Variants in ZNF35 observed in about 807,000 individuals in gnomAD.
ZNF35 encodes the protein zinc finger protein 35.
A neutral mutation model predicts 45.9 loss-of-function variants in ZNF35; 31 were observed. That is an observed-to-expected ratio of 0.68 (90% CI 0.51 to 0.91). ZNF35 has a LOEUF of 0.91. Ranked by LOEUF, ZNF35 falls within the 40% of genes least tolerant of loss-of-function variation. The pLI, the probability that ZNF35 is intolerant of heterozygous loss-of-function variation, is 0.00. For synonymous variants in ZNF35, 205 were observed against 220.2 expected (o/e 0.93, Z 0.61); for missense variants, 515 against 625.4 (o/e 0.82, Z 1.88).
chr3:44,650,224 T>A (rs1703166561), intron 1 of ZNF35, among the ~76,000 whole-genome samples: 1 of 152,150 alleles, frequency 6.6e-6, no homozygotes, highest in Non-Finnish European at 1.5e-5. Context: ...AATGGCAACA[T>A]GAAAGTAATC....
At chr3:44,657,988 A>T (rs148760606) in intron 3 of ZNF35, among the ~76,000 whole-genome samples, 17 of 152,244 alleles carry the variant, frequency 1.1e-4, no homozygotes, top group African/African-American at 3.4e-4. Flanking sequence ...TGTTTTAGAG[A>T]TTGGGAAACT....
intron 3 of ZNF35, among the ~76,000 whole-genome samples, chr3:44,657,249 T>C (rs1703325943): frequency 6.6e-6 from 1 of 152,194 alleles, no homozygotes; most frequent in Non-Finnish European, 1.5e-5. Context: ...TTCCCTCTCA[T>C]GGGTGCTAGT....
chr3:44,655,328 T>A (rs1015818377), intron 3 of ZNF35, among the ~76,000 whole-genome samples: 1 of 151,832 alleles, frequency 6.6e-6, no homozygotes, highest in Non-Finnish European at 1.5e-5. Flanking sequence ...ATTGGACTTA[T>A]AAATTTAGTA....
At chr3:44,652,793 C>G (rs1236960425) in intron 3 of ZNF35, 92 bp downstream of exon 3, 2 of 1,300,174 alleles carry the variant, frequency 1.5e-6, no homozygotes, top group Non-Finnish European at 2.1e-6. Context: ...CTAGGTTGAC[C>G]AACAGAGTAC....
At position 44,650,984 on chromosome 3, in the gene ZNF35, G is replaced by C; in HGVS notation, c.-84G>C. The C allele has an allele frequency of 7.3e-7, 1 of 1,378,778 alleles. No individual in the cohort carries two copies. The allele number at this position is 1,378,778 out of a possible 1,614,324, so 85.4% of individuals were successfully genotyped here. ...GCCCTGGGAAGAAACTCAAGAAGAA[G>C]CTTTTGAAACATAAAGCTTGGATGG... On this transcript the variant is annotated 5_prime_UTR_variant, in exon 2 of 4. Transcript: ENST00000396056.
chr3:44,656,907 G>A (rs1285747517), intron 3 of ZNF35, among the ~76,000 whole-genome samples: 1 of 152,046 alleles, frequency 6.6e-6, no homozygotes, highest in East Asian at 1.9e-4. Context: ...ATGTTGGCCA[G>A]GCCGTTCTCA....
In ZNF35 at chr3:44,658,769, C is replaced by G; in HGVS notation, c.406C>G (p.Leu136Val). ...GATATGTGAGGAAGCTGAAAAACCCCTCATCATATCAGAAAGAATCCAGAA... is the reference window on the plus strand; with the variant it reads ...GATATGTGAGGAAGCTGAAAAACCCGTCATCATATCAGAAAGAATCCAGAA... ...TEICEEAEKP[L>V]IISERIQKAD... is the part of the protein sequence containing the mutation. Residue 136 changes from leucine to valine, a missense_variant, in exon 4 of 4, where the codon CTC (leucine) becomes GTC (valine). Leu to Val is a conservative substitution (Grantham distance 32). Around this residue, in one of 3 missense-constraint regions of ZNF35, gnomAD observed 275 missense variants for 295.7 expected, o/e 0.93. Coordinates refer to ENST00000396056, the MANE Select transcript of ZNF35 (RefSeq NM_003420.4). 1 of 1,602,156 alleles carries G rather than the reference C, an allele frequency of 6.2e-7. No homozygotes were observed. Among genetic ancestry groups the G allele is most frequent in the Non-Finnish European group, 8.5e-7 (1 of 1,177,350 alleles).
upstream of ZNF35, chr3:44,648,408 G>A (rs1344717990): frequency 1.3e-5 from 2 of 152,312 alleles, no homozygotes; most frequent in East Asian, 3.9e-4. Context: ...GGTATTCAAT[G>A]TGCCATACTT....
Position 44,659,339 on chromosome 3 carries a change from A to G in ZNF35, c.976A>G (p.Lys326Glu). Residue 326 changes from lysine (K) to glutamate (E), a missense_variant, in exon 4 of 4, where the codon AAA becomes GAA. Lys to Glu is a moderately conservative substitution (Grantham distance 56, BLOSUM62 1). Transcript: ENST00000396056. The surrounding 1 kb of genome is among the most constrained non-coding windows in gnomAD (Gnocchi z 4.3). ...CAGCTCACAACTTGCTCGGCACCAG[A>G]AAGTCCACATTACGGAAAAATGCTA... ...SYSSQLARHQ[K>E]VHITEKCYEC... The G allele has an allele frequency of 6.2e-7, 1 of 1,614,158 alleles. No individual in the cohort carries two copies. The highest frequency in any genetic ancestry group is 8.5e-7 in the Non-Finnish European group (1 of 1,180,032).
rs147523822 is a variant in ZNF35, at chr3:44,652,271, T to G, written c.193-286T>G. 5.2e-3 allele frequency among the ~76,000 whole-genome samples: 794 copies of G among 152,252 alleles called. 3 individuals are homozygous for G. The highest frequency in any genetic ancestry group is 9.8e-3 in the Admixed American group (150 of 15,290). On this transcript the variant is annotated intron_variant, in intron 2 of 3. Coordinates refer to ENST00000396056, the MANE Select transcript of ZNF35 (RefSeq NM_003420.4). ...ATCCCACAAAAGTTCACTCTGAAAA[T>G]TCTTCCCATATGCTCTCTCCTCTTA... is the stretch of plus-strand genomic sequence containing the variant.
chr3:44,647,079 A>G (rs986385552), upstream of ZNF35: 2 of 152,282 alleles, frequency 1.3e-5, no homozygotes, highest in Non-Finnish European at 1.5e-5. Flanking sequence ...TTTGCAAATC[A>G]TATCCAACAA....
At chr3:44,650,558 T>G (rs1170908968) in intron 1 of ZNF35, among the ~76,000 whole-genome samples, 1 of 152,238 alleles carries the variant, frequency 6.6e-6, no homozygotes, top group Non-Finnish European at 1.5e-5. Context: ...TAATTATTAG[T>G]AGTATGGTTG....
rs2125845107 is a variant in ZNF35, at chr3:44,658,984, T to C, written c.621T>C (p.Ser207=). ...KKSGGKYSLN[S]GAVKNPKTQL... ...CTGGAGGAAAATATAGCCTTAATTC[T>C]GGCGCTGTTAAAAATCCAAAAACCC... The change falls in exon 4 of 4, where the codon TCT becomes TCC. Residue 207 remains serine, a synonymous_variant. Coordinates refer to ENST00000396056, the MANE Select transcript of ZNF35 (RefSeq NM_003420.4). 2 of 1,614,268 alleles carry C rather than the reference T, an allele frequency of 1.2e-6. No homozygotes were observed. The highest frequency in any genetic ancestry group is 4.5e-5 in the East Asian group (2 of 44,884).
Position 44,650,988 on chromosome 3 carries a change from T to C in ZNF35, c.-80T>C, listed in dbSNP as rs1208558467. 31 of 1,417,952 alleles carry C rather than the reference T, an allele frequency of 2.2e-5. No homozygotes were observed. In the East Asian group the frequency reaches 7.3e-4, roughly 33 times the overall value. The allele number at this position is 1,417,952 out of a possible 1,614,324, so 87.8% of individuals were successfully genotyped here. The stretch of plus-strand genomic sequence containing the variant: ...TGGGAAGAAACTCAAGAAGAAGCTT[T>C]TGAAACATAAAGCTTGGATGGGGTT... On this transcript the variant is annotated 5_prime_UTR_variant, in exon 2 of 4. Transcript: ENST00000396056.
intron 2 of ZNF35, among the ~76,000 whole-genome samples, chr3:44,651,515 T>C (rs1466137909): frequency 6.6e-6 from 1 of 152,160 alleles, no homozygotes; most frequent in Non-Finnish European, 1.5e-5. Flanking sequence ...ATGTCCATAC[T>C]GTATTCTATT....
At chr3:44,656,948 C>G (rs562754806) in intron 3 of ZNF35, among the ~76,000 whole-genome samples, 1 of 152,294 alleles carries the variant, frequency 6.6e-6, no homozygotes, top group African/African-American at 2.4e-5. Flanking sequence ...CTGCCTGCCT[C>G]AGCCTCCCGA....
intron 3 of ZNF35, among the ~76,000 whole-genome samples, chr3:44,656,440 G>A (rs1703305906): frequency 6.6e-6 from 1 of 151,452 alleles, no homozygotes; most frequent in Admixed American, 6.6e-5. Context: ...GCCCAGGCTG[G>A]AGTGCAGTGG....
At chr3:44,653,334 A>T (rs139908374) in intron 3 of ZNF35, among the ~76,000 whole-genome samples, 80 of 152,312 alleles carry the variant, frequency 5.3e-4, no homozygotes, top group African/African-American at 1.8e-3. Flanking sequence ...TGTGTCTGCC[A>T]TACAGGATCA....
Position 44,651,033 on chromosome 3 carries a change from C to A in ZNF35, c.-35C>A, listed in dbSNP as rs773623277. 1.1e-4 allele frequency: 172 copies of A among 1,599,086 alleles called. No homozygotes were observed. The highest frequency in any genetic ancestry group is 1.4e-4 in the Non-Finnish European group (164 of 1,174,924). On this transcript the variant is annotated 5_prime_UTR_variant, in exon 2 of 4. Coordinates refer to ENST00000396056, the MANE Select transcript of ZNF35 (RefSeq NM_003420.4). Reference sequence around the variant, plus strand: ...GGGGTTTGACCTCTGCAGGGCAGCGCCCAGCTATAGGAGTTCCCCTGCTGA... The same window carrying A: ...GGGGTTTGACCTCTGCAGGGCAGCGACCAGCTATAGGAGTTCCCCTGCTGA...
Sources: allele counts gnomAD v4.1 joint callset (sites outside exome capture counted in the v4.1 genomes callset), GRCh38; gene constraint gnomAD v4.1.1; regional missense constraint gnomAD v4.1.1; non-coding constraint Gnocchi (gnomAD v3.1); transcripts MANE v1.5; gene names NCBI Gene and HGNC (gene_info 2026-07-23, HGNC 2026-07-21).